GRM7: variants seen among roughly 807,000 people sequenced by gnomAD.
GRM7 encodes metabotropic glutamate receptor 7.
A neutral mutation model predicts 84.5 loss-of-function variants in GRM7; 35 were observed. The ratio of observed to expected loss-of-function variants is 0.41; its 90% CI spans 0.32 to 0.55. The LOEUF is 0.55. Among genes scored for constraint, GRM7 ranks in the 20% least tolerant of loss-of-function variants. GRM7 has a pLI of 0.19. For synonymous variants in GRM7, 487 were observed against 455.1 expected (o/e 1.07, Z -0.89); for missense variants, 1,003 against 1,194.6 (o/e 0.84, Z 2.36).
At chr3:6,922,763 T>C (rs962258146) in intron 1 of GRM7, among the ~76,000 whole-genome samples, 4 of 152,224 alleles carry the variant, frequency 2.6e-5, no homozygotes, top group Non-Finnish European at 4.4e-5. Flanking sequence ...CAGATTATGA[T>C]TGTCAGTTAT....
chr3:7,676,965 C>T (rs1450949319), intron 8 of GRM7, among the ~76,000 whole-genome samples: 2 of 151,860 alleles, frequency 1.3e-5, no homozygotes, highest in Non-Finnish European at 2.9e-5. Flanking sequence ...CATGACTGTA[C>T]TTATTAAAAA....
chr3:7,196,504 G>A (rs575880380), intron 2 of GRM7, among the ~76,000 whole-genome samples: 26 of 152,162 alleles, frequency 1.7e-4, no homozygotes, highest in Middle Eastern at 3.4e-3. Context: ...GACAGGGACC[G>A]TCTTTCCAGT....
intron 1 of GRM7, among the ~76,000 whole-genome samples, chr3:6,988,066 G>A (rs186242044): frequency 0.011 from 1,699 of 147,950 alleles, 38 homozygotes; most frequent in African/African-American, 0.04. Flanking sequence ...GCGCGAACTC[G>A]GCTCACTGCA....
intron 4 of GRM7, among the ~76,000 whole-genome samples, chr3:7,329,064 C>G (rs776437699): frequency 2.6e-5 from 4 of 151,970 alleles, no homozygotes; most frequent in Non-Finnish European, 4.4e-5. Flanking sequence ...AGTTTAAAAC[C>G]TGGCCTGTGT....
rs567967185 is a variant in GRM7, at chr3:7,467,150, C to T, written c.1515+5428C>T. ...TCGCCCGGGCTGGAGTGCAGTGGCG[C>T]GATCTTGGCTCACTGCAACCTCCGC... On this transcript the variant is annotated intron_variant, in intron 7 of 9. Coordinates refer to ENST00000357716, the MANE Select transcript of GRM7 (RefSeq NM_000844.4). 9.9e-5 allele frequency among the ~76,000 whole-genome samples: 15 copies of T among 152,180 alleles called. No homozygotes were observed. In the South Asian group the frequency reaches 1.7e-3, roughly 17 times the overall value.
At chr3:7,407,394 C>T (rs1474490819) in intron 4 of GRM7, among the ~76,000 whole-genome samples, 3 of 152,150 alleles carry the variant, frequency 2.0e-5, no homozygotes, top group Admixed American at 2.0e-4. Flanking sequence ...GGCCATTAAG[C>T]TCACATGACT....
chr3:6,933,815 G>C (rs974323413), intron 1 of GRM7, among the ~76,000 whole-genome samples: 1 of 151,492 alleles, frequency 6.6e-6, no homozygotes, highest in East Asian at 1.9e-4. Flanking sequence ...ATCAGGGCTT[G>C]ATCCTACTAT....
At chr3:7,236,960 G>A (rs1697369050) in intron 2 of GRM7, among the ~76,000 whole-genome samples, 1 of 152,124 alleles carries the variant, frequency 6.6e-6, no homozygotes, top group African/African-American at 2.4e-5. Flanking sequence ...CTCAGCCATC[G>A]TGCATACTGA....
At chr3:7,646,326 G>C (rs751249890) in intron 8 of GRM7, among the ~76,000 whole-genome samples, 1 of 152,136 alleles carries the variant, frequency 6.6e-6, no homozygotes, top group South Asian at 2.1e-4. Flanking sequence ...TGAGTAGTTG[G>C]GATTACAGGT....
At chr3:6,991,793 C>T (rs1694646665) in intron 1 of GRM7, among the ~76,000 whole-genome samples, 1 of 152,134 alleles carries the variant, frequency 6.6e-6, no homozygotes, top group African/African-American at 2.4e-5. Context: ...GGTGAAAACA[C>T]TTTAAATCTA....
At chr3:7,507,944 T>A (rs1700085977) in intron 7 of GRM7, among the ~76,000 whole-genome samples, 12 of 152,180 alleles carry the variant, frequency 7.9e-5, no homozygotes, top group Admixed American at 7.9e-4. Context: ...GTTTTTTCTT[T>A]GGGCAATCAC....
intron 4 of GRM7, among the ~76,000 whole-genome samples, chr3:7,364,923 C>A (rs1447293018): frequency 2.0e-5 from 3 of 151,784 alleles, no homozygotes; most frequent in African/African-American, 7.2e-5. Context: ...ACTCACTTAC[C>A]TGGTTCGCTC....
intron 7 of GRM7, among the ~76,000 whole-genome samples, chr3:7,567,007 A>T (rs763109622): frequency 7.2e-5 from 11 of 152,218 alleles, no homozygotes; most frequent in Non-Finnish European, 1.3e-4. Flanking sequence ...AATAGTAAAT[A>T]CAGGTCATTT....
intron 8 of GRM7, among the ~76,000 whole-genome samples, chr3:7,655,785 G>T (rs1699153763): frequency 6.6e-6 from 1 of 152,018 alleles, no homozygotes; most frequent in Non-Finnish European, 1.5e-5. Context: ...CTTCTAACTG[G>T]AGAAAAAACT....
intron 7 of GRM7, among the ~76,000 whole-genome samples, chr3:7,521,949 A>G (rs1018547642): frequency 2.6e-5 from 4 of 152,144 alleles, no homozygotes; most frequent in Admixed American, 2.6e-4. Context: ...CCACATGGAC[A>G]GTTCTATTCT....
chr3:6,899,066 T>C (rs1696294805), intron 1 of GRM7, among the ~76,000 whole-genome samples: 1 of 152,172 alleles, frequency 6.6e-6, no homozygotes, highest in African/African-American at 2.4e-5. Flanking sequence ...TGTGAGGATC[T>C]AATAAGAAAT....
At chr3:7,417,602 G>A (rs1387084256) in intron 5 of GRM7, among the ~76,000 whole-genome samples, 3 of 152,128 alleles carry the variant, frequency 2.0e-5, no homozygotes, top group Non-Finnish European at 4.4e-5. Context: ...TGAGTAGTCT[G>A]ACACTGAAGA....
intron 1 of GRM7, among the ~76,000 whole-genome samples, chr3:7,111,122 G>A (rs549875699): frequency 2.4e-3 from 367 of 152,244 alleles, no homozygotes; most frequent in Non-Finnish European, 4.4e-3. Flanking sequence ...CCCTGAAGCA[G>A]GAAGTGATGA....
In GRM7 at chr3:6,861,564, C is replaced by T. The variant is rs777220221; in HGVS notation, c.176C>T (p.Ala59Val). Residue 59 changes from alanine (A) to valine (V), a missense_variant, in exon 1 of 10, where the codon GCC becomes GTC. This residue lies in a region of GRM7 where 910 missense variants were observed against 1,126.0 expected (regional missense o/e 0.81). Coordinates refer to ENST00000357716, the MANE Select transcript of GRM7 (RefSeq NM_000844.4). This position sits in a 1 kb window ranked among gnomAD's most constrained non-coding sequence, Gnocchi z 6.4. ...CTCGGGGGGCTGTTCCCCGTGCACG[C>T]CAAGGGTCCCAGCGGAGTGCCCTGC... Reference protein sequence around the residue: ...VTLGGLFPVHAKGPSGVPCGD... With the variant: ...VTLGGLFPVHVKGPSGVPCGD... 1 of 1,598,882 alleles carries T rather than the reference C, an allele frequency of 6.3e-7. No individual in the cohort carries two copies. The highest frequency in any genetic ancestry group is 2.3e-5 in the East Asian group (1 of 44,340).
Sources: allele counts gnomAD v4.1 joint callset (sites outside exome capture counted in the v4.1 genomes callset), GRCh38; gene constraint gnomAD v4.1.1; regional missense constraint gnomAD v4.1.1; non-coding constraint Gnocchi (gnomAD v3.1); transcripts MANE v1.5; gene names NCBI Gene and HGNC (gene_info 2026-07-23, HGNC 2026-07-21).